Variants in ST7 observed in about 807,000 individuals in gnomAD.
The protein encoded by ST7 is suppression of tumorigenicity 7.
In ST7, 28 loss-of-function variants were observed where a neutral mutation model predicts 78.7. The ratio of observed to expected loss-of-function variants is 0.36; its 90% CI spans 0.26 to 0.49. The LOEUF is 0.49. Ranked by LOEUF, ST7 falls within the 20% of genes least tolerant of loss-of-function variation. The probability of loss-of-function intolerance (pLI) is 0.99; values close to 1 mark genes in which losing one functional copy is unlikely to be tolerated. For synonymous variants in ST7, 247 were observed against 249.6 expected (o/e 0.99, Z 0.10); for missense variants, 418 against 696.0 (o/e 0.60, Z 4.49).
At chr7:117,118,356 A>G (rs895983097) in intron 2 of ST7, 4 of 152,210 alleles carry the variant, frequency 2.6e-5, no homozygotes, top group African/African-American at 9.6e-5. Flanking sequence ...ACTACCTGGG[A>G]TTAAATCAAG....
intron 1 of ST7, among the ~76,000 whole-genome samples, chr7:117,061,070 C>A (rs942792520): frequency 1.3e-5 from 2 of 152,024 alleles, no homozygotes; most frequent in Non-Finnish European, 2.9e-5. Flanking sequence ...CAATTCCTGC[C>A]CTTTTAAAGA....
At chr7:117,100,976 G>T (rs1801527095) in intron 2 of ST7, among the ~76,000 whole-genome samples, 1 of 152,170 alleles carries the variant, frequency 6.6e-6, no homozygotes, top group Non-Finnish European at 1.5e-5. Context: ...CTTTAGAGAA[G>T]GGTGCAAACA....
intron 10 of ST7, among the ~76,000 whole-genome samples, chr7:117,178,856 G>A (rs1362092925): frequency 1.3e-5 from 2 of 152,138 alleles, no homozygotes; most frequent in African/African-American, 4.8e-5. Flanking sequence ...ATTAAAGTTT[G>A]GCTATTATGA....
Position 117,189,490 on chromosome 7 carries a change from G to A in ST7, c.1151+97G>A, listed in dbSNP as rs950391060. On this transcript the variant is annotated intron_variant, in intron 11 of 15. Transcript: ENST00000323984. The stretch of plus-strand genomic sequence containing the variant: ...TCTGGAAGTTTCTCTTAGGCTATGA[G>A]ACCCCTGCTTATAAGCATGCATTTT... The A allele has an allele frequency of 4.5e-6, 4 of 887,948 alleles. No homozygotes were observed. The African/African-American group carries it at 5.2e-5, about 12-fold the overall frequency. 55.0% of individuals were successfully genotyped at this position (887,948 alleles called of 1,614,324 possible).
intron 9 of ST7, among the ~76,000 whole-genome samples, chr7:117,150,573 C>T (rs891093405): frequency 6.6e-6 from 1 of 152,122 alleles, no homozygotes; most frequent in Non-Finnish European, 1.5e-5. Context: ...CCATCTTTTC[C>T]CTGGCTCTTC....
intron 9 of ST7, among the ~76,000 whole-genome samples, chr7:117,153,480 A>G (rs1806449483): frequency 6.6e-6 from 1 of 152,192 alleles, no homozygotes; most frequent in Non-Finnish European, 1.5e-5. Context: ...TGCAGGATCA[A>G]TCAGTCAAAG....
intron 1 of ST7, among the ~76,000 whole-genome samples, chr7:117,079,174 A>G (rs1409697187): frequency 1.3e-5 from 2 of 152,246 alleles, no homozygotes; most frequent in Non-Finnish European, 2.9e-5. Context: ...GTAAAACAAT[A>G]GAGTAAATGC....
intron 1 of ST7, chr7:117,020,534 C>T: frequency 6.5e-7 from 1 of 1,533,996 alleles, no homozygotes; most frequent in African/African-American, 1.4e-5. Flanking sequence ...CATGTACACT[C>T]TCCTCGCTTT....
chr7:117,130,391 C>G, intron 4 of ST7, 100 bp from the exon 5 acceptor site: 1 of 703,240 alleles, frequency 1.4e-6, no homozygotes, highest in Non-Finnish European at 2.3e-6. Flanking sequence ...TTTTAGTATT[C>G]AGTTAATGGT....
chr7:117,097,908 A>ATATATATATTTT, intron 1 of ST7, among the ~76,000 whole-genome samples: 20 of 30,010 alleles, frequency 6.7e-4, no homozygotes, highest in African/African-American at 2.6e-3. Context: ...ATATATATAT[A>ATATATATATTTT]TTTTTTTTTT....
intron 2 of ST7, among the ~76,000 whole-genome samples, chr7:117,101,785 A>G (rs969699535): frequency 2.0e-5 from 3 of 152,202 alleles, no homozygotes; most frequent in Non-Finnish European, 4.4e-5. Flanking sequence ...AAAGAAATCT[A>G]TCCTCAAAAT....
intron 1 of ST7, chr7:116,972,955 C>T: frequency 9.1e-7 from 1 of 1,098,490 alleles, no homozygotes; most frequent in Non-Finnish European, 1.4e-6. Context: ...CCTGCCTCCT[C>T]TGCTTGGTGT....
intron 9 of ST7, among the ~76,000 whole-genome samples, chr7:117,141,770 A>T (rs141705101): frequency 1.8e-3 from 277 of 152,148 alleles, no homozygotes; most frequent in Non-Finnish European, 3.3e-3. Context: ...CCCAAGCTCA[A>T]GTTGTTTCCC....
At chr7:117,022,029 G>A (rs1443435648) in intron 1 of ST7, among the ~76,000 whole-genome samples, 1 of 143,626 alleles carries the variant, frequency 7.0e-6, no homozygotes, top group Non-Finnish European at 1.6e-5. Context: ...AGCCAAAAAT[G>A]GAAGTTAAAA....
chr7:117,096,541 T>G (rs911960356), intron 1 of ST7, among the ~76,000 whole-genome samples: 1 of 152,252 alleles, frequency 6.6e-6, no homozygotes, highest in Non-Finnish European at 1.5e-5. Context: ...TATTCCCGTG[T>G]GTCCCCTGTG....
chr7:116,984,954 C>G (rs182136699), intron 1 of ST7, among the ~76,000 whole-genome samples: 74 of 152,244 alleles, frequency 4.9e-4, no homozygotes, highest in Non-Finnish European at 8.8e-4. Flanking sequence ...TGGATTTTGG[C>G]AGGTAATTTA....
chr7:116,967,438 T>C, intron 1 of ST7: 2 of 470,998 alleles, frequency 4.2e-6, no homozygotes. Flanking sequence ...GTGAATTTGG[T>C]CAGGCAGCTT....
chr7:116,969,481 T>C lies in ST7; in HGVS notation c.151+15790T>C, dbSNP rs147285000. The stretch of plus-strand genomic sequence containing the variant: ...ATTTTTGTCATGACATAATACCAAC[T>C]TATCACTGTTGATATTGACCTTGAT... On this transcript the variant is annotated intron_variant, in intron 1 of 15. Coordinates refer to ENST00000323984, the MANE Select transcript of ST7 (RefSeq NM_001369598.1). Among the ~76,000 whole-genome samples the C allele has an allele frequency of 5.1e-4, 77 of 152,328 alleles. No individual in the cohort carries two copies. The East Asian group carries it at 0.014, about 27-fold the overall frequency.
At chr7:117,174,045 C>G (rs903456145) in intron 10 of ST7, among the ~76,000 whole-genome samples, 2 of 152,154 alleles carry the variant, frequency 1.3e-5, no homozygotes, top group African/African-American at 4.8e-5. Flanking sequence ...CAGTAACAAT[C>G]ATATACTCCT....
Sources: allele counts gnomAD v4.1 joint callset (sites outside exome capture counted in the v4.1 genomes callset), GRCh38; gene constraint gnomAD v4.1.1; transcripts MANE v1.5; gene names NCBI Gene and HGNC (gene_info 2026-07-23, HGNC 2026-07-21).